The following OPCML variants were observed in gnomAD, a reference collection of about 807,000 sequenced individuals.
OPCML encodes opioid-binding protein/cell adhesion molecule.
In OPCML, 13 loss-of-function variants were observed where a neutral mutation model predicts 37.8. That is an observed-to-expected ratio of 0.34 (90% CI 0.22 to 0.55). OPCML has a LOEUF of 0.55. Among genes scored for constraint, OPCML ranks in the 20% least tolerant of loss-of-function variants. The probability of loss-of-function intolerance (pLI) is 0.91; values close to 1 mark genes in which losing one functional copy is unlikely to be tolerated. For missense variants in OPCML, 341 were observed against 435.6 expected (o/e 0.78, Z 1.93); for synonymous variants, 176 against 168.8 (o/e 1.04, Z -0.33).
chr11:133,207,622 C>T (rs1939139925), intron 1 of OPCML, among the ~76,000 whole-genome samples: 1 of 152,152 alleles, frequency 6.6e-6, no homozygotes, highest in Non-Finnish European at 1.5e-5. Flanking sequence ...TTCTGAGATT[C>T]CTCAAATTCT....
intron 1 of OPCML, among the ~76,000 whole-genome samples, chr11:133,314,626 C>G (rs1378596715): frequency 1.3e-5 from 2 of 151,962 alleles, no homozygotes; most frequent in African/African-American, 4.8e-5. Flanking sequence ...ATATTCATGT[C>G]TTTCCCACAC....
At position 132,844,921 on chromosome 11, in the gene OPCML, A is replaced by C. The variant is rs1403051910; in HGVS notation, c.146+98005T>G. On this transcript the variant is annotated intron_variant, in intron 2 of 7. Transcript: ENST00000524381. ...TCGCTACCCACATTAAGAGAGAGAAAGAACATATAGAAATAAAAGGAAATG... is the reference window on the plus strand; with the variant it reads ...TCGCTACCCACATTAAGAGAGAGAACGAACATATAGAAATAAAAGGAAATG... Among the ~76,000 whole-genome samples, 5 of 150,404 alleles carry C rather than the reference A, an allele frequency of 3.3e-5. No individual in the cohort carries two copies. In the East Asian group the frequency reaches 9.7e-4, roughly 29 times the overall value.
chr11:132,581,021 G>A (rs962301117), intron 3 of OPCML, among the ~76,000 whole-genome samples: 9 of 152,126 alleles, frequency 5.9e-5, no homozygotes, highest in Admixed American at 5.2e-4. Flanking sequence ...CTTTGGAAGA[G>A]GGTCTAGATG....
At chr11:132,577,417 T>C (rs2096453380) in intron 3 of OPCML, among the ~76,000 whole-genome samples, 1 of 152,182 alleles carries the variant, frequency 6.6e-6, no homozygotes, top group Non-Finnish European at 1.5e-5. Flanking sequence ...AAAATTGTTA[T>C]TTAACAGTGT....
intron 2 of OPCML, among the ~76,000 whole-genome samples, chr11:132,925,017 C>T (rs756464074): frequency 2.2e-4 from 34 of 152,232 alleles, no homozygotes; most frequent in Non-Finnish European, 4.9e-4. Context: ...TTTTCCAGCT[C>T]ACTGATTCTC....
At chr11:132,783,233 A>G (rs1947095370) in intron 2 of OPCML, among the ~76,000 whole-genome samples, 3 of 152,154 alleles carry the variant, frequency 2.0e-5, no homozygotes, top group Admixed American at 2.0e-4. Flanking sequence ...GGAGCTGAGT[A>G]GAAACAAGGT....
At chr11:133,499,965 G>A (rs557904187) in intron 1 of OPCML, among the ~76,000 whole-genome samples, 29 of 147,440 alleles carry the variant, frequency 2.0e-4, no homozygotes, top group South Asian at 4.3e-4. Flanking sequence ...TCCGCCCCCC[G>A]GGTTCAAGCA....
At chr11:132,498,398 T>C (rs2096238034) in intron 4 of OPCML, among the ~76,000 whole-genome samples, 1 of 152,214 alleles carries the variant, frequency 6.6e-6, no homozygotes, top group Admixed American at 6.5e-5. Flanking sequence ...AAATGGACTC[T>C]GACTATGCAT....
At chr11:132,675,987 A>G (rs561934565) in intron 2 of OPCML, among the ~76,000 whole-genome samples, 1 of 152,234 alleles carries the variant, frequency 6.6e-6, no homozygotes, top group East Asian at 1.9e-4. Context: ...CAGCCACACA[A>G]TCTTGTAAAA....
chr11:132,781,962 T>G (rs1435259598), intron 2 of OPCML, among the ~76,000 whole-genome samples: 1 of 139,248 alleles, frequency 7.2e-6, no homozygotes, highest in South Asian at 2.3e-4. Flanking sequence ...ATATTTTTTT[T>G]TTTTTTTTTT....
intron 1 of OPCML, among the ~76,000 whole-genome samples, chr11:133,355,512 A>G (rs139168103): frequency 0.017 from 2,626 of 152,314 alleles, 25 homozygotes; most frequent in Middle Eastern, 0.051. Context: ...TAGGTCATTC[A>G]GAGCAAAACT....
chr11:133,380,653 AT>A (rs1398140746), intron 1 of OPCML, among the ~76,000 whole-genome samples: 2 of 152,162 alleles, frequency 1.3e-5, no homozygotes, highest in Non-Finnish European at 2.9e-5. Flanking sequence ...CTCTTTAAAT[AT>A]TTTTTAATCA....
intron 1 of OPCML, among the ~76,000 whole-genome samples, chr11:133,260,563 CTT>C: frequency 6.6e-6 from 1 of 152,126 alleles, no homozygotes; most frequent in Non-Finnish European, 1.5e-5. Flanking sequence ...TAAGATCTAA[CTT>C]TTTTTCAAGA....
chr11:133,501,142 C>T (rs567211164), intron 1 of OPCML, among the ~76,000 whole-genome samples: 36 of 152,232 alleles, frequency 2.4e-4, no homozygotes, highest in African/African-American at 7.5e-4. Flanking sequence ...TCTCCTTGCC[C>T]GTAATAAGGG....
At chr11:133,143,448 T>C (rs79040116) in intron 1 of OPCML, among the ~76,000 whole-genome samples, 1,683 of 152,296 alleles carry the variant, frequency 0.011, 31 homozygotes, top group African/African-American at 0.039. Context: ...ATCCACAGCA[T>C]GAAAGAAGTC....
intron 3 of OPCML, among the ~76,000 whole-genome samples, chr11:132,609,610 G>A (rs768551553): frequency 1.3e-5 from 2 of 152,172 alleles, no homozygotes; most frequent in Non-Finnish European, 2.9e-5. Flanking sequence ...GCTCCTCTGT[G>A]GCTCAATTCC....
chr11:132,605,526 T>A (rs1226619839), intron 3 of OPCML, among the ~76,000 whole-genome samples: 1 of 152,064 alleles, frequency 6.6e-6, no homozygotes, highest in Non-Finnish European at 1.5e-5. Flanking sequence ...ATCGCACCAC[T>A]GTACTCCAGC....
At chr11:132,899,812 A>C (rs1943983411) in intron 2 of OPCML, among the ~76,000 whole-genome samples, 1 of 152,102 alleles carries the variant, frequency 6.6e-6, no homozygotes, top group African/African-American at 2.4e-5. Context: ...AAAAAGAGGC[A>C]AGGCAAATAG....
chr11:133,015,463 GGAAGGAAGGAAGGAAT>G (rs1947314405), intron 1 of OPCML, among the ~76,000 whole-genome samples: 4 of 138,952 alleles, frequency 2.9e-5, no homozygotes, highest in Admixed American at 7.7e-5. Flanking sequence ...AATGAAGGAA[GGAAGGAAGGAAGGAAT>G]GAAGGAAGGA....
Sources: gnomAD v4.1 joint callset for allele counts (sites outside exome capture counted in the v4.1 genomes callset) on GRCh38, gnomAD v4.1.1 for gene constraint, MANE v1.5 for transcripts, NCBI Gene and HGNC (gene_info 2026-07-23, HGNC 2026-07-21) for gene names.